Variants in PKHD1 observed in about 807,000 individuals in gnomAD.
PKHD1 encodes fibrocystin.
A neutral mutation model predicts 412.0 loss-of-function variants in PKHD1; 291 were observed. That is an observed-to-expected ratio of 0.71 (90% CI 0.64 to 0.78). The LOEUF (loss-of-function observed/expected upper bound fraction) is 0.78. PKHD1 is among the 30% of genes least tolerant of loss of function. The pLI, the probability that PKHD1 is intolerant of heterozygous loss-of-function variation, is 0.00. For synonymous variants in PKHD1, 1,777 were observed against 1,821.5 expected (o/e 0.98, Z 0.62); for missense variants, 4,825 against 4,950.7 (o/e 0.97, Z 0.76).
At chr6:51,662,728 A>G (rs1773066493) in intron 60 of PKHD1, among the ~76,000 whole-genome samples, 1 of 152,006 alleles carries the variant, frequency 6.6e-6, no homozygotes, top group African/African-American at 2.4e-5. Context: ...CACCAATTTT[A>G]AGAATGAAAG....
chr6:51,802,036 G>T (rs1763010852), intron 52 of PKHD1, among the ~76,000 whole-genome samples: 1 of 152,100 alleles, frequency 6.6e-6, no homozygotes, highest in Non-Finnish European at 1.5e-5. Context: ...AATACCAGAA[G>T]GTGCTGCTGT....
At chr6:51,669,675 T>A (rs1254125442) in intron 60 of PKHD1, among the ~76,000 whole-genome samples, 26 of 135,700 alleles carry the variant, frequency 1.9e-4, no homozygotes, top group African/African-American at 7.1e-4. Flanking sequence ...CTTTCTCTTG[T>A]GGGCATTTAG....
intron 35 of PKHD1, among the ~76,000 whole-genome samples, chr6:52,004,506 T>G (rs1454913355): frequency 1.3e-5 from 2 of 152,198 alleles, no homozygotes; most frequent in African/African-American, 4.8e-5. Flanking sequence ...ATTGCATATT[T>G]TGCTTTTTTT....
At chr6:51,866,481 T>C (rs1562493968) in intron 48 of PKHD1, among the ~76,000 whole-genome samples, 1 of 152,120 alleles carries the variant, frequency 6.6e-6, no homozygotes, top group Non-Finnish European at 1.5e-5. Flanking sequence ...CTTAATATCC[T>C]GTCCCAAAGA....
At chr6:51,803,794 C>T (rs1763282283) in intron 52 of PKHD1, among the ~76,000 whole-genome samples, 1 of 151,440 alleles carries the variant, frequency 6.6e-6, no homozygotes, top group Non-Finnish European at 1.5e-5. Context: ...GTAATCTCCG[C>T]CACCTGGGTT....
At chr6:51,643,572 C>T (rs982065002) in intron 63 of PKHD1, among the ~76,000 whole-genome samples, 5 of 152,168 alleles carry the variant, frequency 3.3e-5, no homozygotes, top group East Asian at 1.9e-4. Context: ...ATAAAGAGAA[C>T]GTGGAGAGGG....
chr6:52,076,793 A>C (rs559528409), intron 5 of PKHD1, among the ~76,000 whole-genome samples: 47 of 152,348 alleles, frequency 3.1e-4, no homozygotes, highest in African/African-American at 9.9e-4. Context: ...ACTTCAAATC[A>C]TTATCAGCCA....
At chr6:51,747,353 T>C (rs1785330297) in intron 58 of PKHD1, among the ~76,000 whole-genome samples, 1 of 152,160 alleles carries the variant, frequency 6.6e-6, no homozygotes, top group South Asian at 2.1e-4. Flanking sequence ...ATTTCCTCAC[T>C]TGTATAATAG....
intron 1 of PKHD1, 145 bp from the exon 2 acceptor site, chr6:52,085,162 G>A: frequency 7.5e-6 from 4 of 530,776 alleles, no homozygotes; most frequent in Admixed American, 3.2e-5. Flanking sequence ...TCCAAGCTCA[G>A]GAGAAAAGGA....
At chr6:52,050,476 T>C (rs1562233560) in intron 21 of PKHD1, among the ~76,000 whole-genome samples, 181 bp from the exon 22 acceptor site, 1 of 152,244 alleles carries the variant, frequency 6.6e-6, no homozygotes, top group African/African-American at 2.4e-5. Flanking sequence ...CCATTCAGTT[T>C]AGTACAAAAA....
rs141811489 is a variant in PKHD1 at position 51,867,820 on chromosome 6, C to T, written c.7733+43G>A. 16,089 of 1,576,824 alleles carry T rather than the reference C, an allele frequency of 0.01. 123 individuals carry two copies. The highest frequency in any genetic ancestry group is 0.024 in the Middle Eastern group (141 of 5,996). On this transcript the variant is annotated intron_variant, in intron 48 of 66. Coordinates refer to ENST00000371117, the MANE Select transcript of PKHD1 (RefSeq NM_138694.4). ...GCCTCGACAGCCAGAATAACAGATG[C>T]ATGCCCATCGGCAAGCTAAAAAGTA... is the stretch of plus-strand genomic sequence containing the variant.
At chr6:52,006,691 T>A (rs1799112560) in intron 35 of PKHD1, among the ~76,000 whole-genome samples, 1 of 152,194 alleles carries the variant, frequency 6.6e-6, no homozygotes, top group South Asian at 2.1e-4. Flanking sequence ...AATATATTTT[T>A]TTAATTTTTT....
At position 51,616,818 on chromosome 6, in the gene PKHD1, T is replaced by G; in HGVS notation, c.*2263A>C. 1 of 395,956 alleles carries G rather than the reference T, an allele frequency of 2.5e-6. No homozygotes were observed. Among genetic ancestry groups the G allele is most frequent in the Non-Finnish European group, 4.5e-6 (1 of 224,418 alleles). The allele number at this position is 395,956 out of a possible 1,614,324, so 24.5% of individuals were successfully genotyped here. ...AGGATAAATAAGAAGATAATAAAAA[T>G]TGGAAGAAGGGTAAAGAAGGGGCAG... On this transcript the variant is annotated 3_prime_UTR_variant, in exon 67 of 67. Coordinates refer to ENST00000371117, the MANE Select transcript of PKHD1 (RefSeq NM_138694.4).
chr6:51,676,557 A>G (rs1343287189), intron 60 of PKHD1, among the ~76,000 whole-genome samples: 2 of 152,088 alleles, frequency 1.3e-5, no homozygotes, highest in East Asian at 3.9e-4. Flanking sequence ...TATTTTCAAG[A>G]AATGAAATCA....
intron 65 of PKHD1, among the ~76,000 whole-genome samples, chr6:51,631,998 T>C (rs1767984547): frequency 6.7e-6 from 1 of 149,226 alleles, no homozygotes; most frequent in Non-Finnish European, 1.5e-5. Context: ...TGGAGTGCAA[T>C]GGCGCAATCT....
chr6:51,960,741 G>A (rs1310998666), intron 35 of PKHD1, among the ~76,000 whole-genome samples: 1 of 152,096 alleles, frequency 6.6e-6, no homozygotes, highest in African/African-American at 2.4e-5. Flanking sequence ...TTGAGTGAGG[G>A]GTAGGGAGCT....
chr6:51,865,022 T>C (rs909557339), intron 48 of PKHD1, among the ~76,000 whole-genome samples: 1 of 152,132 alleles, frequency 6.6e-6, no homozygotes, highest in Admixed American at 6.6e-5. Flanking sequence ...GGAGAAAAAC[T>C]GTCACTGGCA....
At chr6:52,019,285 G>C (rs1801045850) in intron 33 of PKHD1, among the ~76,000 whole-genome samples, 1 of 152,244 alleles carries the variant, frequency 6.6e-6, no homozygotes, top group Admixed American at 6.5e-5. Flanking sequence ...CAGTGCTGTG[G>C]CAAGGGTTAC....
intron 52 of PKHD1, among the ~76,000 whole-genome samples, chr6:51,808,068 C>A (rs986127804): frequency 3.9e-5 from 6 of 152,004 alleles, no homozygotes; most frequent in Non-Finnish European, 8.8e-5. Context: ...TGAATTATAT[C>A]TCAATAAATC....
Sources: allele counts gnomAD v4.1 joint callset (sites outside exome capture counted in the v4.1 genomes callset), GRCh38; gene constraint gnomAD v4.1.1; transcripts MANE v1.5; gene names NCBI Gene and HGNC (gene_info 2026-07-23, HGNC 2026-07-21).